Variants in CRB1 observed in about 807,000 individuals in gnomAD.
CRB1 encodes the protein protein crumbs homolog 1.
Under a neutral mutation model 120.0 loss-of-function variants are expected in CRB1, and 83 were observed. The observed-to-expected ratio is 0.69, with a 90% confidence interval of 0.58 to 0.83. The LOEUF is 0.83. Among genes scored for constraint, CRB1 ranks in the 40% least tolerant of loss-of-function variants. The pLI, the probability that CRB1 is intolerant of heterozygous loss-of-function variation, is 0.00. For missense variants in CRB1, 1,699 were observed against 1,687.6 expected (o/e 1.01, Z -0.12); for synonymous variants, 625 against 612.5 (o/e 1.02, Z -0.30).
chr1:197,448,297 G>T (rs1242236349), intron 11 of CRB1, among the ~76,000 whole-genome samples: 1 of 151,980 alleles, frequency 6.6e-6, no homozygotes, highest in East Asian at 1.9e-4. Flanking sequence ...TTCCTGGGGG[G>T]TCTTTGTGTG....
chr1:197,385,610 C>T (rs187150401), intron 5 of CRB1, among the ~76,000 whole-genome samples: 120 of 151,990 alleles, frequency 7.9e-4, no homozygotes, highest in Middle Eastern at 3.4e-3. Flanking sequence ...TATTGTTATA[C>T]TATTATATCC....
chr1:197,427,182 G>C (rs1184384140), intron 6 of CRB1, among the ~76,000 whole-genome samples: 1 of 152,040 alleles, frequency 6.6e-6, no homozygotes, highest in Non-Finnish European at 1.5e-5. Flanking sequence ...AGATCTTTTT[G>C]GTCTGTTTTG....
the CRB1 span, among the ~76,000 whole-genome samples, chr1:197,202,946 C>T: frequency 6.6e-6 from 1 of 150,964 alleles, no homozygotes; most frequent in African/African-American, 2.5e-5. Flanking sequence ...CGTAGACCTA[C>T]AAGTGATGTC....
chr1:197,211,425 A>C, the CRB1 span, among the ~76,000 whole-genome samples: 2 of 152,232 alleles, frequency 1.3e-5, no homozygotes, highest in Admixed American at 6.5e-5. Flanking sequence ...CACAGTTCTG[A>C]AGTCTGGGAA....
chr1:197,345,638 G>A (rs549260785), intron 3 of CRB1, among the ~76,000 whole-genome samples: 1 of 150,422 alleles, frequency 6.6e-6, no homozygotes, highest in Admixed American at 6.7e-5. Flanking sequence ...CTCCTGAGTA[G>A]CTGGTATTAC....
At chr1:197,291,118 G>A (rs879167252) in intron 1 of CRB1, among the ~76,000 whole-genome samples, 1 of 151,694 alleles carries the variant, frequency 6.6e-6, no homozygotes, top group Admixed American at 6.6e-5. Flanking sequence ...ATAACTTCAA[G>A]AGCTAGGATG....
chr1:197,344,199 A>C (rs1659633337), intron 2 of CRB1, 82 bp from the exon 3 acceptor site: 1 of 1,314,418 alleles, frequency 7.6e-7, no homozygotes, highest in African/African-American at 1.5e-5. Context: ...GTGCTCTGGT[A>C]AACAAAGCAT....
At chr1:197,442,718 A>C in intron 11 of CRB1, 1 of 317,464 alleles carries the variant, frequency 3.1e-6, no homozygotes. Context: ...GACCACTGCA[A>C]TTTCTTCCCA....
At chr1:197,211,042 G>A in the CRB1 span, among the ~76,000 whole-genome samples, 2 of 152,078 alleles carry the variant, frequency 1.3e-5, no homozygotes, top group African/African-American at 4.8e-5. Context: ...TTTTTCAGTA[G>A]CATCACAAAC....
At chr1:197,466,295 A>G (rs1666747902) in intron 11 of CRB1, among the ~76,000 whole-genome samples, 1 of 152,222 alleles carries the variant, frequency 6.6e-6, no homozygotes, top group African/African-American at 2.4e-5. Flanking sequence ...GGGACTAGTG[A>G]TTCAAAAACT....
chr1:197,205,099 G>A, the CRB1 span, among the ~76,000 whole-genome samples: 16 of 152,144 alleles, frequency 1.1e-4, no homozygotes, highest in African/African-American at 3.9e-4. Flanking sequence ...ACTGATTTGT[G>A]TACATTAATT....
chr1:197,364,083 C>A (rs1176555237), intron 5 of CRB1: 2 of 1,240,008 alleles, frequency 1.6e-6, no homozygotes, highest in South Asian at 1.5e-5. Flanking sequence ...GCTGCTGAGG[C>A]GGGCAGATCC....
chr1:197,438,853 AG>A (rs1305014412), intron 10 of CRB1, 178 bp downstream of exon 10: 2 of 631,778 alleles, frequency 3.2e-6, no homozygotes, highest in East Asian at 3.2e-5. Flanking sequence ...TTTAGGTCAA[AG>A]GGGAGAACAT....
At chr1:197,229,742 A>T in the CRB1 span, among the ~76,000 whole-genome samples, 1 of 152,150 alleles carries the variant, frequency 6.6e-6, no homozygotes, top group Non-Finnish European at 1.5e-5. Flanking sequence ...TTAGATTAGG[A>T]TAATGGTCTC....
rs368001830 is a variant in CRB1 at position 197,370,372 on chromosome 1, A to G, written c.1171+13359A>G. On this transcript the variant is annotated intron_variant, in intron 5 of 11. Transcript: ENST00000367400. The stretch of plus-strand genomic sequence containing the variant: ...ACGTTCTACCCAACAACTGCAGAAT[A>G]TACATTCTACTCATCAGCACATGGA... 2.0e-5 allele frequency among the ~76,000 whole-genome samples: 3 copies of G among 152,184 alleles called. No homozygotes were observed. In the South Asian group the frequency reaches 6.2e-4, roughly 32 times the overall value.
At position 197,410,527 on chromosome 1, in the gene CRB1, A is replaced by G. The variant is rs192711720; in HGVS notation, c.1172-10473A>G. Among the ~76,000 whole-genome samples the G allele has an allele frequency of 3.1e-3, 466 of 152,344 alleles. 2 individuals carry two copies. Among genetic ancestry groups the G allele is most frequent in the African/African-American group, 9.9e-3 (413 of 41,586 alleles). On this transcript the variant is annotated intron_variant, in intron 5 of 11. Transcript: ENST00000367400. ...GACAAGCAACATTTGATAAGCACCT[A>G]TGACCTGGAACCACATGCTATGAAC...
At chr1:197,255,061 C>T in the CRB1 span, among the ~76,000 whole-genome samples, 8 of 152,018 alleles carry the variant, frequency 5.3e-5, no homozygotes, top group African/African-American at 9.7e-5. Flanking sequence ...GCTGAGGTCT[C>T]TCATGGTCAT....
rs71131753 is a variant in CRB1, at chr1:197,327,091, CAAAAAAAAAAAAAAAAAAAA to C, written c.71-1309_71-1290del. On this transcript the variant is annotated intron_variant, in intron 1 of 11. Coordinates refer to ENST00000367400, the MANE Select transcript of CRB1 (RefSeq NM_201253.3). Reference sequence around the variant, plus strand: ...ATTTAGTGACTTAATTCTCACACACCAAAAAAAAAAAAAAAAAAAAAAAAAAAAAAAAAAAAAAAAACAGA... The same window carrying C: ...ATTTAGTGACTTAATTCTCACACACCAAAAAAAAAAAAAAAAAAAAACAGA... 1.1e-3 allele frequency among the ~76,000 whole-genome samples: 27 copies of C among 25,704 alleles called. No homozygotes were observed. In the South Asian group the frequency reaches 0.012, roughly 11 times the overall value. The allele number at this position is 25,704 out of a possible 152,430, so 16.9% of individuals were successfully genotyped here. A position where few individuals can be genotyped will look rare whatever the true frequency, so the allele number is the denominator to read the frequency against.
the CRB1 span, among the ~76,000 whole-genome samples, chr1:197,207,406 C>T: frequency 0.58 from 88,168 of 151,760 alleles, 29,195 homozygotes; most frequent in East Asian, 0.91. Flanking sequence ...TCTTGTAGTG[C>T]TTGGTAGTGG....
Sources: gnomAD v4.1 joint callset for allele counts (sites outside exome capture counted in the v4.1 genomes callset) on GRCh38, gnomAD v4.1.1 for gene constraint, MANE v1.5 for transcripts, NCBI Gene and HGNC (gene_info 2026-07-23, HGNC 2026-07-21) for gene names.